ZNF469: variants seen among roughly 807,000 people sequenced by gnomAD.
ZNF469 encodes zinc finger protein 469.
Under a neutral mutation model 1.0 loss-of-function variants are expected in ZNF469, and 1 was observed. The ratio of observed to expected loss-of-function variants is 1.00; its 90% CI spans 0.35 to 4.73. ZNF469 has a LOEUF of 4.73. Ranked by LOEUF, ZNF469 falls within the 30% of genes most tolerant of loss-of-function variation. ZNF469 has a pLI of 0.16. For synonymous variants in ZNF469, 2,703 were observed against 2,363.4 expected, an observed-to-expected ratio of 1.14 and a Z score of -4.17; for missense variants, 6,100 against 5,356.3, an observed-to-expected ratio of 1.14 and a Z score of -4.33.
chr16:88,208,201 AT>A, the ZNF469 span, among the ~76,000 whole-genome samples: 1 of 151,766 alleles, frequency 6.6e-6, no homozygotes, highest in South Asian at 2.1e-4. Flanking sequence ...CTTCAAGCCA[AT>A]TCCTGTGTCC....
chr16:88,117,696 G>A, the ZNF469 span, among the ~76,000 whole-genome samples: 1 of 152,338 alleles, frequency 6.6e-6, no homozygotes, highest in East Asian at 1.9e-4. Context: ...GGGGACCGTG[G>A]AAGAGGGGCT....
Position 88,437,215 on chromosome 16 carries a change from G to T in ZNF469, c.9745G>T (p.Ala3249Ser), listed in dbSNP as rs560665168. ...GGGCAAGCGCTCCGCCGGCAAGGCC[G>T]CCGGGAGCCCGGGAGACCCGTGGGG... ...HRGKRSAGKA[A>S]GSPGDPWGQE... Residue 3249 changes from alanine (A) to serine (S), a missense_variant, in exon 3 of 3, where the codon GCC becomes TCC. Transcript: ENST00000565624. The T allele has an allele frequency of 1.3e-6, 2 of 1,549,378 alleles. No individual in the cohort carries two copies. Among genetic ancestry groups the T allele is most frequent in the East Asian group, 2.4e-5 (1 of 40,882 alleles).
the ZNF469 span, among the ~76,000 whole-genome samples, chr16:88,327,295 C>T: frequency 2.0e-5 from 3 of 152,154 alleles, no homozygotes. Flanking sequence ...CTCAGCCTCA[C>T]GCCAGCCCCC....
upstream of ZNF469, among the ~76,000 whole-genome samples, chr16:88,380,199 AC>A (rs1324512388): frequency 2.0e-5 from 3 of 151,136 alleles, 1 homozygote; most frequent in Non-Finnish European, 4.4e-5. Context: ...TCACACACAG[AC>A]ATGCACTCAC....
At chr16:88,402,652 G>A (rs192228234) in intron 1 of ZNF469, among the ~76,000 whole-genome samples, 242 of 152,270 alleles carry the variant, frequency 1.6e-3, no homozygotes, top group African/African-American at 5.5e-3. Flanking sequence ...GGCCTCCACC[G>A]TCACCTGCTT....
At chr16:88,159,401 G>A in the ZNF469 span, among the ~76,000 whole-genome samples, 4 of 152,086 alleles carry the variant, frequency 2.6e-5, no homozygotes, top group East Asian at 1.9e-4. Flanking sequence ...CACGGCTCAC[G>A]GGTCCATCTG....
the ZNF469 span, among the ~76,000 whole-genome samples, chr16:88,226,990 C>T: frequency 5.9e-5 from 9 of 151,338 alleles, 1 homozygote; most frequent in Non-Finnish European, 8.9e-5. Context: ...GGGGCCTGCG[C>T]GTTTCCACCC....
At chr16:88,333,178 C>G in the ZNF469 span, among the ~76,000 whole-genome samples, 1,704 of 152,270 alleles carry the variant, frequency 0.011, 20 homozygotes, top group African/African-American at 0.039. Context: ...CGTGAGTCCC[C>G]TGCTTGATGC....
At chr16:88,261,780 G>T in the ZNF469 span, among the ~76,000 whole-genome samples, 42 of 152,282 alleles carry the variant, frequency 2.8e-4, no homozygotes, top group Admixed American at 1.9e-3. The surrounding 1 kb of genome is among the most constrained non-coding windows in gnomAD (Gnocchi z 6.0). Context: ...TGGCTGTGGG[G>T]AGAGGCAGGG....
chr16:88,199,953 G>A, the ZNF469 span, among the ~76,000 whole-genome samples: 47 of 152,322 alleles, frequency 3.1e-4, no homozygotes, highest in South Asian at 7.9e-3. Flanking sequence ...AGGCAGGGCC[G>A]AGGACCCCGC....
At chr16:88,321,062 C>T in the ZNF469 span, among the ~76,000 whole-genome samples, 3 of 152,272 alleles carry the variant, frequency 2.0e-5, no homozygotes, top group East Asian at 1.9e-4. Context: ...ACGTGAGGGC[C>T]TTCCTCAGCC....
In ZNF469 at chr16:88,437,980, T is replaced by C; in HGVS notation, c.10510T>C (p.Ser3504Pro). 1 of 1,547,914 alleles carries C rather than the reference T, an allele frequency of 6.5e-7. No homozygotes were observed. The highest frequency in any genetic ancestry group is 8.7e-7 in the Non-Finnish European group (1 of 1,146,736). The stretch of plus-strand genomic sequence containing the variant: ...AAGCAGCCCCATCCTGAGTGAGGGC[T>C]CTCTCCCGGCCCTGCTCCACCTGTG... ...RGSSPILSEG[S>P]LPALLHLCSE... Residue 3504 changes from serine (S) to proline (P), a missense_variant, in exon 3 of 3, where the codon TCT (serine) becomes CCT (proline). Coordinates refer to ENST00000565624, the MANE Select transcript of ZNF469 (RefSeq NM_001367624.2).
the ZNF469 span, among the ~76,000 whole-genome samples, chr16:88,114,196 A>ACAC: frequency 0.036 from 5,081 of 140,716 alleles, 1,971 homozygotes; most frequent in East Asian, 0.085. Context: ...GACAGGGACC[A>ACAC]TACTCACTCA....
chr16:88,212,033 A>G, the ZNF469 span, among the ~76,000 whole-genome samples: 2 of 152,234 alleles, frequency 1.3e-5, no homozygotes, highest in Admixed American at 1.3e-4. Context: ...CCATTCCTGC[A>G]AGTGGAATTC....
chr16:88,404,300 C>A (rs548818210), intron 1 of ZNF469, among the ~76,000 whole-genome samples: 5 of 152,214 alleles, frequency 3.3e-5, no homozygotes, highest in Non-Finnish European at 7.3e-5. Context: ...CAGGTCATTT[C>A]GCCTGTAAGG....
chr16:88,392,520 C>A (rs936144450), intron 1 of ZNF469, among the ~76,000 whole-genome samples: 1 of 152,192 alleles, frequency 6.6e-6, no homozygotes, highest in South Asian at 2.1e-4. Context: ...TGGATCAGAC[C>A]CCCTCGGGGG....
At chr16:88,160,420 A>G in the ZNF469 span, among the ~76,000 whole-genome samples, 1 of 152,116 alleles carries the variant, frequency 6.6e-6, no homozygotes, top group African/African-American at 2.4e-5. Context: ...ATTGCTGTTG[A>G]TCACTGCACT....
At chr16:88,199,549 G>C in the ZNF469 span, among the ~76,000 whole-genome samples, 1 of 152,312 alleles carries the variant, frequency 6.6e-6, no homozygotes, top group South Asian at 2.1e-4. Flanking sequence ...CTTGCTCCCA[G>C]CCCGCTCTCC....
At chr16:88,277,444 G>A in the ZNF469 span, among the ~76,000 whole-genome samples, 1 of 149,410 alleles carries the variant, frequency 6.7e-6, no homozygotes, top group East Asian at 2.0e-4. Flanking sequence ...GCACCACACT[G>A]ACGCTTGGTC....
Sources: gnomAD v4.1 joint callset for allele counts (sites outside exome capture counted in the v4.1 genomes callset) on GRCh38, gnomAD v4.1.1 for gene constraint, Gnocchi (gnomAD v3.1) non-coding constraint, MANE v1.5 for transcripts, NCBI Gene and HGNC (gene_info 2026-07-23, HGNC 2026-07-21) for gene names.